DOCK10: variants seen among roughly 807,000 people sequenced by gnomAD.
DOCK10 encodes the protein dedicator of cytokinesis protein 10.
In DOCK10, 145 loss-of-function variants were observed where a neutral mutation model predicts 280.1. The observed-to-expected ratio is 0.52, with a 90% CI of 0.45 to 0.59. The LOEUF (loss-of-function observed/expected upper bound fraction) is 0.59, where lower values mean the gene tolerates loss of function less well. Among genes scored for constraint, DOCK10 ranks in the 20% least tolerant of loss-of-function variants. The probability of loss-of-function intolerance (pLI) is 0.00; values close to 1 mark genes in which losing one functional copy is unlikely to be tolerated. For synonymous variants in DOCK10, 915 were observed against 942.2 expected, an observed-to-expected ratio of 0.97 and a Z score of 0.53; for missense variants, 2,368 against 2,651.7, an observed-to-expected ratio of 0.89 and a Z score of 2.35.
Position 224,873,987 on chromosome 2 carries a change from G to A in DOCK10, c.1257+9C>T, listed in dbSNP as rs1447491807. 6.2e-7 allele frequency: 1 copy of A among 1,608,636 alleles called. No homozygotes were observed. Among genetic ancestry groups the A allele is most frequent in the East Asian group, 2.2e-5 (1 of 44,806 alleles). ...TAATGGTATAGGATGTAACAGAGGA[G>A]AAACTTACATTCGTTATCGGATCAT... On this transcript the variant is annotated intron_variant, in intron 11 of 55. Coordinates refer to ENST00000258390, the MANE Select transcript of DOCK10 (RefSeq NM_014689.3).
Position 224,855,240 on chromosome 2 carries a change from T to C in DOCK10, c.1809-198A>G, listed in dbSNP as rs535299537. On this transcript the variant is annotated intron_variant, in intron 15 of 55. Transcript: ENST00000258390. Reference sequence around the variant, plus strand: ...ATTTTGCAAACTAAAATACATGTGATATTGCAAATAAAAATACAAATCAGG... The same window carrying C: ...ATTTTGCAAACTAAAATACATGTGACATTGCAAATAAAAATACAAATCAGG... 1.1e-4 allele frequency among the ~76,000 whole-genome samples: 17 copies of C among 152,344 alleles called. No homozygotes were observed. The South Asian group carries it at 3.5e-3, about 32-fold the overall frequency.
intron 3 of DOCK10, among the ~76,000 whole-genome samples, chr2:224,902,822 G>A (rs1477535136): frequency 6.6e-6 from 1 of 151,998 alleles, no homozygotes; most frequent in African/African-American, 2.4e-5. Flanking sequence ...GGCTGGGCGC[G>A]GTGGCTCACG....
intron 1 of DOCK10, among the ~76,000 whole-genome samples, chr2:224,944,060 G>A (rs1387957306): frequency 6.6e-6 from 1 of 152,172 alleles, no homozygotes; most frequent in African/African-American, 2.4e-5. Context: ...ATCATGCCCG[G>A]CCGGTTTAGA....
At chr2:224,767,873 T>A (rs756953005) in intron 55 of DOCK10, among the ~76,000 whole-genome samples, 5 of 152,002 alleles carry the variant, frequency 3.3e-5, no homozygotes, top group Non-Finnish European at 5.9e-5. Flanking sequence ...ATTTTTCTAT[T>A]TCCTTTTTAT....
chr2:224,868,333 T>C (rs1017469494), intron 11 of DOCK10, among the ~76,000 whole-genome samples: 2 of 152,214 alleles, frequency 1.3e-5, no homozygotes, highest in Non-Finnish European at 2.9e-5. Context: ...ATTACATACA[T>C]ATATGTACAT....
intron 1 of DOCK10, among the ~76,000 whole-genome samples, chr2:224,943,899 G>A (rs549005209): frequency 6.6e-6 from 1 of 152,020 alleles, no homozygotes; most frequent in East Asian, 1.9e-4. Flanking sequence ...GAGTAGCTGG[G>A]ACTACAGGCA....
intron 25 of DOCK10, 75 bp downstream of exon 25, chr2:224,837,687 C>A: frequency 1.5e-6 from 2 of 1,309,642 alleles, no homozygotes; most frequent in Non-Finnish European, 2.2e-6. Flanking sequence ...AAACTTCCCA[C>A]TTACTGCAGA....
chr2:224,767,748 T>C (rs1386506815), intron 55 of DOCK10, among the ~76,000 whole-genome samples: 1 of 152,172 alleles, frequency 6.6e-6, no homozygotes, highest in African/African-American at 2.4e-5. Flanking sequence ...ACCATCTTCA[T>C]GTTTGCTGGC....
Position 225,035,544 on chromosome 2 carries a change from A to T in DOCK10, c.123+6708T>A, listed in dbSNP as rs10165662. ...GATCTTATATGATATGATATATATTATATATATATATATATATATATATAT... is the reference window on the plus strand; with the variant it reads ...GATCTTATATGATATGATATATATTTTATATATATATATATATATATATAT... On this transcript the variant is annotated intron_variant, in intron 1 of 55. Transcript: ENST00000258390. Among the ~76,000 whole-genome samples, 57 of 7,602 alleles carry T rather than the reference A, an allele frequency of 7.5e-3. 2 individuals are homozygous for T. The highest frequency in any genetic ancestry group is 0.018 in the African/African-American group (37 of 2,058). 5.0% of individuals were successfully genotyped at this position (7,602 alleles called of 152,430 possible).
At chr2:224,904,336 C>A (rs577427471) in intron 3 of DOCK10, among the ~76,000 whole-genome samples, 26 of 152,118 alleles carry the variant, frequency 1.7e-4, no homozygotes, top group African/African-American at 6.3e-4. Flanking sequence ...ATCCAAAACC[C>A]CCAAAACAAA....
intron 1 of DOCK10, among the ~76,000 whole-genome samples, chr2:224,986,873 A>T (rs1303875343): frequency 6.6e-6 from 1 of 152,174 alleles, no homozygotes; most frequent in Admixed American, 6.5e-5. Context: ...GGAAAACCAT[A>T]TTCTAACAGT....
At position 224,957,372 on chromosome 2, in the gene DOCK10, C is replaced by A. The variant is rs1270544715; in HGVS notation, c.124-25704G>T. 2.7e-5 allele frequency among the ~76,000 whole-genome samples: 4 copies of A among 149,256 alleles called. No homozygotes were observed. In the Admixed American group the frequency reaches 2.7e-4, roughly 10 times the overall value. On this transcript the variant is annotated intron_variant, in intron 1 of 55. Coordinates refer to ENST00000258390, the MANE Select transcript of DOCK10 (RefSeq NM_014689.3). ...GCGGTGTGATCATAGCTCACTGCAACCTTGAACTCTTGGGCTCAAATGACT... is the reference window on the plus strand; with the variant it reads ...GCGGTGTGATCATAGCTCACTGCAAACTTGAACTCTTGGGCTCAAATGACT...
intron 3 of DOCK10, among the ~76,000 whole-genome samples, chr2:224,914,723 G>A (rs1434389136): frequency 6.6e-6 from 1 of 152,022 alleles, no homozygotes; most frequent in Non-Finnish European, 1.5e-5. Context: ...TCAAGAAAAA[G>A]ACATATTGCC....
chr2:224,768,062 T>C (rs373698829), intron 55 of DOCK10, among the ~76,000 whole-genome samples: 68 of 152,082 alleles, frequency 4.5e-4, no homozygotes, highest in African/African-American at 1.5e-3. Context: ...TGTAGGAGTG[T>C]GCCACCACAC....
At chr2:224,865,174 T>A in intron 11 of DOCK10, 87 bp from the exon 12 acceptor site, 1 of 1,289,526 alleles carries the variant, frequency 7.8e-7, no homozygotes, top group Non-Finnish European at 1.1e-6. Flanking sequence ...AACAAAGCAG[T>A]AGATAAAATA....
At chr2:224,888,359 C>A (rs1027937062) in intron 4 of DOCK10, among the ~76,000 whole-genome samples, 1 of 149,156 alleles carries the variant, frequency 6.7e-6, no homozygotes, top group African/African-American at 2.5e-5. Flanking sequence ...ATGTGTGTGT[C>A]TGTATGTATT....
At chr2:224,813,393 A>G (rs992959132) in intron 31 of DOCK10, among the ~76,000 whole-genome samples, 52 of 152,076 alleles carry the variant, frequency 3.4e-4, no homozygotes, top group African/African-American at 1.3e-3. Context: ...ATGGGGTTTC[A>G]CCATGTTGGC....
At chr2:224,836,591 G>C (rs1432628368) in intron 25 of DOCK10, among the ~76,000 whole-genome samples, 1 of 151,990 alleles carries the variant, frequency 6.6e-6, no homozygotes, top group East Asian at 1.9e-4. Flanking sequence ...TCCTTTTATG[G>C]GAGTGTGGAA....
intron 1 of DOCK10, among the ~76,000 whole-genome samples, chr2:224,943,009 T>A (rs1703181171): frequency 6.6e-6 from 1 of 152,118 alleles, no homozygotes; most frequent in Admixed American, 6.5e-5. Context: ...AAGGAAATGA[T>A]CTCTTTATTG....
Sources: allele counts gnomAD v4.1 joint callset (sites outside exome capture counted in the v4.1 genomes callset), GRCh38; gene constraint gnomAD v4.1.1; transcripts MANE v1.5; gene names NCBI Gene and HGNC (gene_info 2026-07-23, HGNC 2026-07-21).